The following TRIM66 variants were observed in gnomAD, a reference collection of about 807,000 sequenced individuals.
TRIM66 encodes the protein tripartite motif containing 66.
Under a neutral mutation model 148.2 loss-of-function variants are expected in TRIM66, and 99 were observed. The observed-to-expected ratio is 0.67, with a 90% CI of 0.57 to 0.79. The LOEUF (loss-of-function observed/expected upper bound fraction) is 0.79, where lower values mean the gene tolerates loss of function less well. Ranked by LOEUF, TRIM66 falls within the 30% of genes least tolerant of loss-of-function variation. The pLI, the probability that TRIM66 is intolerant of heterozygous loss-of-function variation, is 0.00. For missense variants in TRIM66, 1,666 were observed against 1,697.9 expected (o/e 0.98, Z 0.33); for synonymous variants, 616 against 635.9 (o/e 0.97, Z 0.47).
At chr11:8,651,672 T>C (rs1350482994) in intron 7 of TRIM66, 128 bp downstream of exon 7, 1 of 802,876 alleles carries the variant, frequency 1.2e-6, no homozygotes, top group Non-Finnish European at 2.1e-6. Context: ...GATGGATGGA[T>C]GATTAGGAAA....
chr11:8,619,685 ATG>A, intron 22 of TRIM66, 150 bp from the exon 23 acceptor site: 1 of 868,642 alleles, frequency 1.2e-6, no homozygotes, highest in Non-Finnish European at 1.7e-6. Flanking sequence ...GAAGAAAAGG[ATG>A]GAGAAAGAAG....
Position 8,649,889 on chromosome 11 carries a change from T to G in TRIM66, c.445-2A>C. 1.9e-6 allele frequency: 3 copies of G among 1,550,468 alleles called. No homozygotes were observed. Among genetic ancestry groups the G allele is most frequent in the Non-Finnish European group, 2.6e-6 (3 of 1,145,968 alleles). ...CTTCTCCTTGCACTCAGAGCAGTTC[T>G]GGAAGCAGAGAGTTCTGGAGTTACT... On this transcript the variant is annotated splice_acceptor_variant, in intron 7 of 24. Coordinates refer to ENST00000646038, the MANE Select transcript of TRIM66 (RefSeq NM_001388022.1). LOFTEE classifies it high-confidence loss of function.
rs1311977000 is a variant in TRIM66, at chr11:8,646,542, G to C, written c.862C>G (p.Gln288Glu). 7.7e-6 allele frequency: 12 copies of C among 1,551,688 alleles called. No individual in the cohort carries two copies. The Admixed American group carries it at 2.0e-4, about 25-fold the overall frequency. The change falls in exon 11 of 25, where the codon CAG becomes GAG. Residue 288 changes from glutamine to glutamate, a missense_variant. Physicochemically the swap from Gln to Glu is conservative, Grantham distance 29. This residue lies in a region of TRIM66 where 1,431 missense variants were observed against 1,412.4 expected (regional missense o/e 1.01). Transcript: ENST00000646038. ...IEDRIFEVKH[Q>E]HRKVENQIKM... Reference sequence around the variant, plus strand: ...ATCTGGTTTTCCACCTTCCTATGCTGATGCTTCACTTCAAAAATCCTGTAA... The same window carrying C: ...ATCTGGTTTTCCACCTTCCTATGCTCATGCTTCACTTCAAAAATCCTGTAA...
rs945201213 is a variant in TRIM66 at position 8,617,702 on chromosome 11, T to G, written c.*242A>C. On this transcript the variant is annotated 3_prime_UTR_variant, in exon 25 of 25. Coordinates refer to ENST00000646038, the MANE Select transcript of TRIM66 (RefSeq NM_001388022.1). Reference sequence around the variant, plus strand: ...TCTTGTCAAGTGGAGCCTATACATCTGATTACTCTGGTAATAATAAATACC... The same window carrying G: ...TCTTGTCAAGTGGAGCCTATACATCGGATTACTCTGGTAATAATAAATACC... The G allele has an allele frequency of 1.7e-5, 9 of 514,862 alleles. No individual in the cohort carries two copies. Among genetic ancestry groups the G allele is most frequent in the Non-Finnish European group, 3.1e-5 (9 of 291,026 alleles). The allele number at this position is 514,862 out of a possible 1,614,324, so 31.9% of individuals were successfully genotyped here.
chr11:8,629,348 T>A (rs10769935), intron 15 of TRIM66, among the ~76,000 whole-genome samples: 1 of 152,326 alleles, frequency 6.6e-6, no homozygotes, highest in South Asian at 2.1e-4. Flanking sequence ...ATGTTTAGTG[T>A]GGTTTTGGCG....
upstream of TRIM66, chr11:8,682,831 T>G: frequency 2.5e-6 from 4 of 1,610,852 alleles, no homozygotes; most frequent in Non-Finnish European, 3.4e-6. Context: ...GTGTTTCGTT[T>G]CTTGCCTCCT....
At chr11:8,659,278 G>A (rs1341663217) in intron 6 of TRIM66, among the ~76,000 whole-genome samples, 1 of 152,140 alleles carries the variant, frequency 6.6e-6, no homozygotes, top group African/African-American at 2.4e-5. Flanking sequence ...TTTCTGGAGA[G>A]TGACTGAGCT....
chr11:8,640,277 C>A lies in TRIM66; in HGVS notation c.2098G>T (p.Val700Leu). The part of the protein sequence containing the change: ...QTIVGQINYI[V>L]RQPAPVQSQS... ...GACTGGACAGGTGCTGGCTGCCTCA[C>A]GATGTAGTTGATCTGCCCCACAATG... The change falls in exon 14 of 25, where the codon GTG becomes TTG. Residue 700 changes from valine (V) to leucine (L), a missense_variant. Coordinates refer to ENST00000646038, the MANE Select transcript of TRIM66 (RefSeq NM_001388022.1). 2 of 1,551,558 alleles carry A rather than the reference C, an allele frequency of 1.3e-6. No individual in the cohort carries two copies. The highest frequency in any genetic ancestry group is 1.2e-5 in the South Asian group (1 of 84,034).
At chr11:8,634,958 G>A (rs901548404) in intron 15 of TRIM66, among the ~76,000 whole-genome samples, 1 of 152,138 alleles carries the variant, frequency 6.6e-6, no homozygotes. Flanking sequence ...GCTGGGAGTG[G>A]GATGGAGGAC....
At chr11:8,636,561 A>T (rs1446757357) in intron 15 of TRIM66, among the ~76,000 whole-genome samples, 1 of 151,732 alleles carries the variant, frequency 6.6e-6, no homozygotes, top group Non-Finnish European at 1.5e-5. Flanking sequence ...CTGGGATGGG[A>T]GCATGGGAAA....
chr11:8,659,648 T>C (rs2038111476), intron 6 of TRIM66, among the ~76,000 whole-genome samples: 1 of 152,194 alleles, frequency 6.6e-6, no homozygotes, highest in Non-Finnish European at 1.5e-5. Context: ...AAATCCTGAA[T>C]CTACCAAACC....
At chr11:8,671,020 G>A (rs2038902621) in intron 6 of TRIM66, among the ~76,000 whole-genome samples, 1 of 152,170 alleles carries the variant, frequency 6.6e-6, no homozygotes. Context: ...CGGGTGCAAC[G>A]GCTCACGCCT....
At chr11:8,621,469 C>T (rs2034206548) in intron 19 of TRIM66, 148 bp from the exon 20 acceptor site, 1 of 1,304,180 alleles carries the variant, frequency 7.7e-7, no homozygotes, top group Non-Finnish European at 1.0e-6. Context: ...AATGCTGGGA[C>T]ACCTCACTCC....
chr11:8,676,708 C>A (rs1468828987), intron 3 of TRIM66, among the ~76,000 whole-genome samples: 4 of 152,290 alleles, frequency 2.6e-5, no homozygotes, highest in Non-Finnish European at 4.4e-5. Context: ...CCCATTTCTG[C>A]CCCCTTCTTA....
intron 15 of TRIM66, among the ~76,000 whole-genome samples, chr11:8,628,645 A>AGAGAGAG (rs1565491022): frequency 1.4e-5 from 2 of 144,854 alleles, no homozygotes; most frequent in African/African-American, 2.5e-5. Context: ...AAAGAGAGAG[A>AGAGAGAG]ATCCAGATCT....
At chr11:8,623,385 TA>T (rs2034496065) in intron 17 of TRIM66, among the ~76,000 whole-genome samples, 1 of 152,196 alleles carries the variant, frequency 6.6e-6, no homozygotes, top group South Asian at 2.1e-4. Flanking sequence ...AGGATGAAAC[TA>T]GCATCCATTC....
At chr11:8,676,322 C>T (rs989097939) in intron 3 of TRIM66, among the ~76,000 whole-genome samples, 1 of 151,716 alleles carries the variant, frequency 6.6e-6, no homozygotes, top group Non-Finnish European at 1.5e-5. Context: ...AGCAGTTTTA[C>T]ATAACATTGC....
chr11:8,640,268 G>T lies in TRIM66; in HGVS notation c.2107C>A (p.Pro703Thr), dbSNP rs1451932845. ...TGGCTCTGGGACTGGACAGGTGCTG[G>T]CTGCCTCACGATGTAGTTGATCTGC... ...VGQINYIVRQ[P>T]APVQSQSQEE... The change falls in exon 14 of 25, where the codon CCA becomes ACA. Residue 703 changes from proline (P) to threonine (T), a missense_variant. Pro to Thr is a conservative substitution (Grantham distance 38). Transcript: ENST00000646038. 6.4e-7 allele frequency: 1 copy of T among 1,551,660 alleles called. No homozygotes were observed. The highest frequency in any genetic ancestry group is 8.7e-7 in the Non-Finnish European group (1 of 1,147,004).
At chr11:8,629,454 C>T (rs577705513) in intron 15 of TRIM66, among the ~76,000 whole-genome samples, 1 of 152,290 alleles carries the variant, frequency 6.6e-6, no homozygotes, top group South Asian at 2.1e-4. Flanking sequence ...CTAAAATCCA[C>T]GTGAGACCAC....
Sources: gnomAD v4.1 joint callset for allele counts (sites outside exome capture counted in the v4.1 genomes callset) on GRCh38, gnomAD v4.1.1 for gene constraint, gnomAD v4.1.1 regional missense constraint, MANE v1.5 for transcripts, NCBI Gene and HGNC (gene_info 2026-07-23, HGNC 2026-07-21) for gene names.